The following DRC8 variants were observed in gnomAD, a reference collection of about 807,000 sequenced individuals.
The protein encoded by DRC8 is dynein regulatory complex subunit 8.
chr1:245,116,672 C>T, the DRC8 span, among the ~76,000 whole-genome samples: 1 of 152,204 alleles, frequency 6.6e-6, no homozygotes, highest in Non-Finnish European at 1.5e-5. Context: ...GGCTTTCAGT[C>T]ACCTTGAGTA....
At chr1:245,073,091 G>A in the DRC8 span, among the ~76,000 whole-genome samples, 1 of 152,118 alleles carries the variant, frequency 6.6e-6, no homozygotes, top group African/African-American at 2.4e-5. Context: ...TGAAAACTAT[G>A]AACTTTGGGT....
the DRC8 span, chr1:245,023,162 G>A: frequency 5.9e-5 from 9 of 152,158 alleles, no homozygotes; most frequent in African/African-American, 9.7e-5. Flanking sequence ...TTTATTTCAC[G>A]TAGCGTAATG....
At chr1:245,092,062 C>G in the DRC8 span, among the ~76,000 whole-genome samples, 1 of 152,200 alleles carries the variant, frequency 6.6e-6, no homozygotes, top group African/African-American at 2.4e-5. Context: ...ACACACAGGC[C>G]TGAGAGTCTG....
chr1:244,998,525 A>G, the DRC8 span, among the ~76,000 whole-genome samples: 1 of 152,144 alleles, frequency 6.6e-6, no homozygotes, highest in Non-Finnish European at 1.5e-5. Flanking sequence ...TACATATATA[A>G]TACCGGTGTT....
the DRC8 span, among the ~76,000 whole-genome samples, chr1:245,084,233 C>T: frequency 2.0e-5 from 3 of 151,936 alleles, no homozygotes; most frequent in East Asian, 1.9e-4. Flanking sequence ...AGGCACAGGC[C>T]ACTGCGCCCA....
chr1:245,020,461 A>G, the DRC8 span, among the ~76,000 whole-genome samples: 1 of 151,924 alleles, frequency 6.6e-6, no homozygotes, highest in Non-Finnish European at 1.5e-5. Context: ...TTTGCCTCCT[A>G]GGTTTCATAG....
At chr1:245,034,597 T>A in the DRC8 span, among the ~76,000 whole-genome samples, 1 of 48,872 alleles carries the variant, frequency 2.0e-5, no homozygotes, top group South Asian at 8.4e-4. Context: ...TGAGACTCCA[T>A]CTCAAAAAAA....
the DRC8 span, chr1:245,086,980 C>T: frequency 1.8e-6 from 1 of 550,084 alleles, no homozygotes; most frequent in Admixed American, 2.8e-5. Context: ...TGTCTTCCTA[C>T]TGTTTTGCCT....
the DRC8 span, among the ~76,000 whole-genome samples, chr1:244,980,973 G>T: frequency 6.6e-6 from 1 of 152,092 alleles, no homozygotes; most frequent in Non-Finnish European, 1.5e-5. Context: ...ACCTGAGGTA[G>T]GCAGTTCGAG....
the DRC8 span, among the ~76,000 whole-genome samples, chr1:245,073,342 G>T: frequency 6.6e-6 from 1 of 152,052 alleles, no homozygotes; most frequent in South Asian, 2.1e-4. Flanking sequence ...CACCATGTTG[G>T]CCAGGCTGGT....
chr1:244,996,122 C>T, the DRC8 span, among the ~76,000 whole-genome samples: 1 of 152,176 alleles, frequency 6.6e-6, no homozygotes, highest in Non-Finnish European at 1.5e-5. Flanking sequence ...CTCCGAGTCT[C>T]TCATGAGGTT....
the DRC8 span, among the ~76,000 whole-genome samples, chr1:245,022,806 T>C: frequency 6.6e-6 from 1 of 152,202 alleles, no homozygotes; most frequent in Non-Finnish European, 1.5e-5. Context: ...CAGAATGCAG[T>C]GGCATTAACA....
the DRC8 span, among the ~76,000 whole-genome samples, chr1:245,039,873 A>G: frequency 6.6e-6 from 1 of 152,206 alleles, no homozygotes; most frequent in African/African-American, 2.4e-5. Flanking sequence ...GCATCATGTC[A>G]GGGAATACAT....
the DRC8 span, among the ~76,000 whole-genome samples, chr1:245,069,319 C>T: frequency 1.3e-5 from 2 of 152,036 alleles, no homozygotes; most frequent in South Asian, 2.1e-4. Context: ...TTAAGAAAAT[C>T]ATAAGGAAGC....
chr1:245,071,054 C>T, the DRC8 span, among the ~76,000 whole-genome samples: 8 of 152,320 alleles, frequency 5.3e-5, no homozygotes, highest in South Asian at 1.4e-3. Flanking sequence ...TGGGACTTCC[C>T]AACCTCCATA....
chr1:244,982,857 G>T, the DRC8 span, among the ~76,000 whole-genome samples: 1 of 152,070 alleles, frequency 6.6e-6, no homozygotes, highest in East Asian at 1.9e-4. Flanking sequence ...GAGGTCAGGA[G>T]ATCGAGACCA....
At chr1:245,031,720 G>A in the DRC8 span, among the ~76,000 whole-genome samples, 2 of 152,126 alleles carry the variant, frequency 1.3e-5, no homozygotes, top group Non-Finnish European at 2.9e-5. Flanking sequence ...ACCCAAGGAA[G>A]GCTTTGGGCT....
chr1:245,077,418 A>T, the DRC8 span, among the ~76,000 whole-genome samples: 1 of 152,222 alleles, frequency 6.6e-6, no homozygotes, highest in Non-Finnish European at 1.5e-5. Context: ...CAAGTGTACC[A>T]TAATAATGTA....
chr1:244,983,689 A>G, the DRC8 span, among the ~76,000 whole-genome samples: 3,245 of 144,104 alleles, frequency 0.023, 134 homozygotes, highest in African/African-American at 0.078. Flanking sequence ...GCAGTGAGCC[A>G]AGGTCATGCC....
Sources: gnomAD v4.1 joint callset for allele counts (sites outside exome capture counted in the v4.1 genomes callset) on GRCh38, gnomAD v4.1.1 for gene constraint, MANE v1.5 for transcripts, NCBI Gene and HGNC (gene_info 2026-07-23, HGNC 2026-07-21) for gene names.